FREM3: variants seen among roughly 807,000 people sequenced by gnomAD.
FREM3 encodes the protein FRAS1-related extracellular matrix protein 3.
A neutral mutation model predicts 129.1 loss-of-function variants in FREM3; 105 were observed. The ratio of observed to expected loss-of-function variants is 0.81; its 90% CI spans 0.69 to 0.96. The LOEUF is 0.96. FREM3 is among the 40% of genes least tolerant of loss of function. The pLI is 0.00. For missense variants in FREM3, 2,593 were observed against 2,666.3 expected, an observed-to-expected ratio of 0.97 and a Z score of 0.61; for synonymous variants, 1,014 against 1,044.9, an observed-to-expected ratio of 0.97 and a Z score of 0.57.
intron 3 of FREM3, among the ~76,000 whole-genome samples, chr4:143,624,601 G>C (rs114665313): frequency 2.0e-5 from 3 of 152,130 alleles, no homozygotes; most frequent in Admixed American, 6.5e-5. Context: ...ATTTATTCTA[G>C]CACATGTTTA....
intron 2 of FREM3, among the ~76,000 whole-genome samples, chr4:143,690,581 A>G (rs1740447625): frequency 6.6e-6 from 1 of 152,168 alleles, no homozygotes; most frequent in Non-Finnish European, 1.5e-5. Flanking sequence ...AGAAGGGTAT[A>G]ATACCTTCTG....
intron 6 of FREM3, among the ~76,000 whole-genome samples, chr4:143,589,060 T>A (rs1430206977): frequency 5.9e-5 from 9 of 152,350 alleles, no homozygotes; most frequent in African/African-American, 1.7e-4. Flanking sequence ...AAGTGTCTGT[T>A]CATGTCCTTG....
chr4:143,680,460 A>G (rs1740229800), intron 2 of FREM3, among the ~76,000 whole-genome samples: 1 of 152,054 alleles, frequency 6.6e-6, no homozygotes, highest in Non-Finnish European at 1.5e-5. Flanking sequence ...TACCACACTT[A>G]TGCATTCCTC....
chr4:143,689,879 G>C (rs148219631), intron 2 of FREM3, among the ~76,000 whole-genome samples: 186 of 142,388 alleles, frequency 1.3e-3, no homozygotes, highest in African/African-American at 4.3e-3. Context: ...TGGGAACTTG[G>C]GGGGAAGAGT....
Position 143,695,622 on chromosome 4 carries a change from C to A in FREM3, c.5054G>T (p.Ser1685Ile), listed in dbSNP as rs1302147243. 26 of 1,537,306 alleles carry A rather than the reference C, an allele frequency of 1.7e-5. No homozygotes were observed. Among genetic ancestry groups the A allele is most frequent in the Non-Finnish European group, 2.0e-5 (23 of 1,146,926 alleles). ...CTGATCTTCTGCCTTCAGAGACTTG[C>A]TGGTAATCAGGAAGCCCATGTGTCC... is the stretch of plus-strand genomic sequence containing the variant. ...HTGHMGFLIT[S>I]KSLKAEDQDS... Residue 1685 changes from serine (S) to isoleucine (I), a missense_variant, in exon 1 of 8, where the codon AGC becomes ATC. Physicochemically the swap from Ser to Ile is moderately radical, Grantham distance 142. Coordinates refer to ENST00000329798, the MANE Select transcript of FREM3 (RefSeq NM_001168235.2).
At chr4:143,608,691 A>G (rs1033486463) in intron 6 of FREM3, among the ~76,000 whole-genome samples, 5 of 152,220 alleles carry the variant, frequency 3.3e-5, no homozygotes, top group Non-Finnish European at 7.3e-5. Context: ...AATGTAACTC[A>G]GTATGTGCTC....
intron 5 of FREM3, among the ~76,000 whole-genome samples, chr4:143,617,291 G>A (rs562454176): frequency 2.8e-4 from 43 of 152,034 alleles, no homozygotes; most frequent in African/African-American, 1.0e-3. Context: ...ACAGATGGAG[G>A]TGGTAGATGC....
At chr4:143,693,625 C>T (rs1740511861) in intron 1 of FREM3, among the ~76,000 whole-genome samples, 3 of 152,236 alleles carry the variant, frequency 2.0e-5, no homozygotes, top group African/African-American at 4.8e-5. Context: ...ATAAATCATT[C>T]TGTCATAAAG....
chr4:143,627,788 T>A, intron 2 of FREM3, 28 bp from the exon 3 acceptor site: 1 of 1,497,870 alleles, frequency 6.7e-7, no homozygotes, highest in Non-Finnish European at 9.0e-7. Flanking sequence ...AAAGGAAAAG[T>A]CAGCTGGAGT....
intron 2 of FREM3, among the ~76,000 whole-genome samples, chr4:143,689,772 T>G (rs1159187029): frequency 6.6e-6 from 1 of 151,646 alleles, no homozygotes; most frequent in East Asian, 1.9e-4. Flanking sequence ...CTAAATGAAT[T>G]AACTCAGGAA....
intron 5 of FREM3, among the ~76,000 whole-genome samples, chr4:143,614,608 G>C (rs1237624475): frequency 6.6e-6 from 1 of 152,154 alleles, no homozygotes; most frequent in Non-Finnish European, 1.5e-5. Flanking sequence ...TGTTTGCAGA[G>C]GTAGATTATG....
Position 143,700,512 on chromosome 4 carries a change from G to A in FREM3, c.164C>T (p.Thr55Ile), listed in dbSNP as rs1417264026. 3 of 1,517,984 alleles carry A rather than the reference G, an allele frequency of 2.0e-6. No individual in the cohort carries two copies. Among genetic ancestry groups the A allele is most frequent in the Admixed American group, 2.0e-5 (1 of 49,690 alleles). 94.0% of individuals were successfully genotyped at this position (1,517,984 alleles called of 1,614,324 possible). A position where few individuals can be genotyped will look rare whatever the true frequency, so the allele number is the denominator to read the frequency against. The change falls in exon 1 of 8, where the codon ACT becomes ATT. Residue 55 changes from threonine (T) to isoleucine (I), a missense_variant. By Grantham distance (89) the Thr-to-Ile change is moderately conservative. Transcript: ENST00000329798. ...CAGCACGCTGGGGCCGTCGGGGCGAGTGCCGTCAAGCGCACCCCGGGCGGG... is the reference window on the plus strand; with the variant it reads ...CAGCACGCTGGGGCCGTCGGGGCGAATGCCGTCAAGCGCACCCCGGGCGGG... ...YLPARGALDG[T>I]RPDGPSVLIA...
At chr4:143,682,254 C>T (rs777095558) in intron 2 of FREM3, among the ~76,000 whole-genome samples, 9 of 152,110 alleles carry the variant, frequency 5.9e-5, no homozygotes, top group Non-Finnish European at 1.3e-4. Flanking sequence ...ATTTTCCAGG[C>T]CTAAGTAACA....
intron 2 of FREM3, among the ~76,000 whole-genome samples, chr4:143,632,160 A>G (rs1739151211): frequency 1.3e-5 from 2 of 152,152 alleles, no homozygotes; most frequent in African/African-American, 4.8e-5. Flanking sequence ...AATACCTGTT[A>G]TATGCTATTG....
chr4:143,617,733 C>A (rs1444306869), intron 5 of FREM3, among the ~76,000 whole-genome samples: 1 of 152,108 alleles, frequency 6.6e-6, no homozygotes, highest in African/African-American at 2.4e-5. Context: ...AGGTGAGGTA[C>A]TCCTTGAGGC....
chr4:143,697,910 C>G lies in FREM3; in HGVS notation c.2766G>C (p.Gly922=). ...SDTFHLEVSD[G]VHHIPITIPI... ...GGATGGTGATGGGTATATGGTGCACCCCATCACTTACTTCCAGATGGAAAG... is the reference window on the plus strand; with the variant it reads ...GGATGGTGATGGGTATATGGTGCACGCCATCACTTACTTCCAGATGGAAAG... Residue 922 remains glycine, a synonymous_variant, in exon 1 of 8, where the codon GGG becomes GGC. Transcript: ENST00000329798. The G allele has an allele frequency of 1.3e-6, 2 of 1,537,810 alleles. No individual in the cohort carries two copies. Among genetic ancestry groups the G allele is most frequent in the Non-Finnish European group, 1.7e-6 (2 of 1,147,070 alleles).
In FREM3 at chr4:143,663,706, T is replaced by A. The variant is rs565476896; in HGVS notation, c.5275+29407A>T. Among the ~76,000 whole-genome samples, 4 of 152,280 alleles carry A rather than the reference T, an allele frequency of 2.6e-5. No individual in the cohort carries two copies. The South Asian group carries it at 8.3e-4, about 32-fold the overall frequency. ...TTCCAACTTGGTTCCATTCTACCCA[T>A]CACTTTCAGGTACACCAATCAGATG... On this transcript the variant is annotated intron_variant, in intron 2 of 7. Transcript: ENST00000329798.
intron 2 of FREM3, among the ~76,000 whole-genome samples, chr4:143,673,054 G>A (rs1039035357): frequency 3.3e-5 from 5 of 152,118 alleles, no homozygotes; most frequent in East Asian, 1.9e-4. Context: ...CCTTTAGCTC[G>A]GAGAAGTTTG....
intron 5 of FREM3, among the ~76,000 whole-genome samples, chr4:143,617,960 G>A (rs1738879948): frequency 6.6e-6 from 1 of 152,194 alleles, no homozygotes; most frequent in Non-Finnish European, 1.5e-5. Flanking sequence ...CACATTCTCT[G>A]TCTACAACCA....
Sources: gnomAD v4.1 joint callset for allele counts (sites outside exome capture counted in the v4.1 genomes callset) on GRCh38, gnomAD v4.1.1 for gene constraint, MANE v1.5 for transcripts, NCBI Gene and HGNC (gene_info 2026-07-23, HGNC 2026-07-21) for gene names.